Variants in PPA2 observed in about 807,000 individuals in gnomAD.
The protein encoded by PPA2 is inorganic pyrophosphatase 2, also known as inorganic pyrophosphatase 2, mitochondrial.
In PPA2, 48 loss-of-function variants were observed where a neutral mutation model predicts 49.5. That is an observed-to-expected ratio of 0.97 (90% CI 0.77 to 1.23). The LOEUF (loss-of-function observed/expected upper bound fraction) is 1.23. PPA2 is among the 50% of genes most tolerant of loss of function. The pLI, the probability that PPA2 is intolerant of heterozygous loss-of-function variation, is 0.00. For synonymous variants in PPA2, 131 were observed against 139.9 expected (o/e 0.94, Z 0.45); for missense variants, 429 against 410.1 (o/e 1.05, Z -0.40).
intron 7 of PPA2, among the ~76,000 whole-genome samples, chr4:105,416,836 G>A (rs1723034398): frequency 6.6e-6 from 1 of 151,862 alleles, no homozygotes; most frequent in Non-Finnish European, 1.5e-5. Flanking sequence ...TTCATAAATT[G>A]TACTCTTACC....
chr4:105,444,960 G>A (rs777791205), intron 5 of PPA2, among the ~76,000 whole-genome samples: 14 of 152,062 alleles, frequency 9.2e-5, no homozygotes, highest in South Asian at 2.1e-4. Context: ...TACAGATGAA[G>A]AAAATGAGGA....
intron 1 of PPA2, among the ~76,000 whole-genome samples, chr4:105,463,094 C>T (rs112957371): frequency 0.095 from 14,407 of 152,124 alleles, 1,412 homozygotes; most frequent in African/African-American, 0.25. Context: ...TTGGAACAGT[C>T]TGGAGGGCTC....
chr4:105,430,564 A>G (rs1267978368), intron 6 of PPA2, among the ~76,000 whole-genome samples: 1 of 152,246 alleles, frequency 6.6e-6, no homozygotes, highest in Non-Finnish European at 1.5e-5. Context: ...CACTACGTGC[A>G]TCATTTCTCA....
chr4:105,473,729 T>A, intron 1 of PPA2, 165 bp downstream of exon 1: 1 of 1,071,830 alleles, frequency 9.3e-7, no homozygotes, highest in Non-Finnish European at 1.4e-6. Context: ...CGTGACTCGG[T>A]GCGCGCTCCC....
chr4:105,387,566 G>T (rs922441121), intron 9 of PPA2, among the ~76,000 whole-genome samples: 1 of 152,128 alleles, frequency 6.6e-6, no homozygotes. Context: ...ATGACACTGA[G>T]TATACAGCGA....
intron 7 of PPA2, chr4:105,405,587 T>C: frequency 1.0e-6 from 1 of 1,000,262 alleles, no homozygotes; most frequent in South Asian, 3.9e-5. Flanking sequence ...TTCAAGCATA[T>C]TAACCAAATT....
rs151208902 is a variant in PPA2, at chr4:105,464,057, T to C, written c.158-7312A>G. Among the ~76,000 whole-genome samples, 737 of 152,182 alleles carry C rather than the reference T, an allele frequency of 4.8e-3. 6 individuals carry two copies. The highest frequency in any genetic ancestry group is 0.017 in the African/African-American group (707 of 41,512). ...GACCCCAAAATGGTAGATCCACCAA[T>C]AGCTTCCACCATGCACCCAGAAAAG... On this transcript the variant is annotated intron_variant, in intron 1 of 11. Transcript: ENST00000341695.
intron 7 of PPA2, among the ~76,000 whole-genome samples, chr4:105,409,479 G>C (rs1253902605): frequency 6.6e-6 from 1 of 152,240 alleles, no homozygotes; most frequent in African/African-American, 2.4e-5. Flanking sequence ...CTGAACAAAA[G>C]GCAGCAGAAA....
At chr4:105,467,205 T>A (rs1393801498) in intron 1 of PPA2, among the ~76,000 whole-genome samples, 3 of 152,160 alleles carry the variant, frequency 2.0e-5, no homozygotes, top group African/African-American at 7.2e-5. Context: ...ACAGAAGGAG[T>A]AATATTTGAT....
At chr4:105,446,913 TC>T (rs1169070958) in intron 4 of PPA2, among the ~76,000 whole-genome samples, 4 of 152,158 alleles carry the variant, frequency 2.6e-5, no homozygotes, top group Non-Finnish European at 5.9e-5. Context: ...TGAAAGCCTT[TC>T]CTCTAAGATT....
chr4:105,453,168 T>C (rs549374308), intron 3 of PPA2, among the ~76,000 whole-genome samples: 1 of 152,154 alleles, frequency 6.6e-6, no homozygotes, highest in East Asian at 1.9e-4. Flanking sequence ...CATTGTAAAA[T>C]GAAGTGGAAA....
At chr4:105,385,829 A>G (rs1733655835) in intron 10 of PPA2, among the ~76,000 whole-genome samples, 1 of 151,792 alleles carries the variant, frequency 6.6e-6, no homozygotes, top group South Asian at 2.1e-4. Flanking sequence ...AAAGGGTCTC[A>G]CCAATTTTAT....
chr4:105,393,967 G>A (rs1356552307), intron 9 of PPA2, among the ~76,000 whole-genome samples: 1 of 152,164 alleles, frequency 6.6e-6, no homozygotes, highest in East Asian at 1.9e-4. Context: ...TTTTCTAGAT[G>A]CATATGATAC....
At chr4:105,398,157 G>A (rs1009047642) in intron 8 of PPA2, 5 of 151,058 alleles carry the variant, frequency 3.3e-5, no homozygotes, top group Admixed American at 6.6e-5. Context: ...ATACCATATA[G>A]GTTTAAAATT....
intron 9 of PPA2, among the ~76,000 whole-genome samples, chr4:105,393,612 T>G (rs1431218276): frequency 6.6e-6 from 1 of 150,680 alleles, no homozygotes; most frequent in Non-Finnish European, 1.5e-5. Flanking sequence ...AGATTCTACT[T>G]CCTAAAGATA....
At chr4:105,430,660 C>G (rs1723755813) in intron 6 of PPA2, among the ~76,000 whole-genome samples, 1 of 152,006 alleles carries the variant, frequency 6.6e-6, no homozygotes. Flanking sequence ...GATAAAAGGA[C>G]AAGATAGAGG....
chr4:105,473,542 G>A (rs1158877044), intron 1 of PPA2: 1 of 511,642 alleles, frequency 2.0e-6, no homozygotes, highest in South Asian at 1.6e-5. Flanking sequence ...AACCGGGAAC[G>A]GCGGCCGGGC....
intron 5 of PPA2, among the ~76,000 whole-genome samples, chr4:105,440,148 G>C (rs141348378): frequency 2.0e-4 from 30 of 152,238 alleles, no homozygotes; most frequent in African/African-American, 6.5e-4. Flanking sequence ...CGACAAGCTA[G>C]AAGTCCCATT....
rs57073135 is a variant in PPA2, at chr4:105,458,818, CAAAAAAAAAA to C, written c.158-2083_158-2074del. Reference sequence around the variant, plus strand: ...GCCTGGCGACACAAGACTCCACCTCCAAAAAAAAAAAAAAAAAAAAAAAAAAAGGCATGTA... The same window carrying C: ...GCCTGGCGACACAAGACTCCACCTCCAAAAAAAAAAAAAAAAAGGCATGTA... On this transcript the variant is annotated intron_variant, in intron 1 of 11. Coordinates refer to ENST00000341695, the MANE Select transcript of PPA2 (RefSeq NM_176869.3). Among the ~76,000 whole-genome samples, 4 of 31,528 alleles carry C rather than the reference CAAAAAAAAAA, an allele frequency of 1.3e-4. No homozygotes were observed. In the East Asian group the frequency reaches 4.7e-3, roughly 37 times the overall value. 20.7% of individuals were successfully genotyped at this position (31,528 alleles called of 152,430 possible).
Sources: allele counts gnomAD v4.1 joint callset (sites outside exome capture counted in the v4.1 genomes callset), GRCh38; gene constraint gnomAD v4.1.1; transcripts MANE v1.5; gene names NCBI Gene and HGNC (gene_info 2026-07-23, HGNC 2026-07-21).